The following AP3B1 variants were observed in gnomAD, a reference collection of about 807,000 sequenced individuals.
AP3B1 encodes the protein adaptor related protein complex 3 subunit beta 1.
A neutral mutation model predicts 132.5 loss-of-function variants in AP3B1; 61 were observed. That is an observed-to-expected ratio of 0.46 (90% CI 0.37 to 0.57). AP3B1 has a LOEUF of 0.57. AP3B1 is among the 20% of genes least tolerant of loss of function. The probability of loss-of-function intolerance (pLI) is 0.00; values close to 1 mark genes in which losing one functional copy is unlikely to be tolerated. For synonymous variants in AP3B1, 388 were observed against 438.3 expected, an observed-to-expected ratio of 0.89 and a Z score of 1.43; for missense variants, 1,120 against 1,289.4, an observed-to-expected ratio of 0.87 and a Z score of 2.01.
chr5:78,261,442 C>A (rs1193285363), intron 2 of AP3B1, among the ~76,000 whole-genome samples: 1 of 151,796 alleles, frequency 6.6e-6, no homozygotes, highest in Non-Finnish European at 1.5e-5. Flanking sequence ...CCCATTTTTT[C>A]ATTTGGTCGG....
chr5:78,128,261 T>A, intron 16 of AP3B1, 101 bp from the exon 17 acceptor site: 3 of 1,075,046 alleles, frequency 2.8e-6, no homozygotes, highest in Middle Eastern at 3.0e-4. Context: ...TTACCTCAAA[T>A]GTCAAGGAAT....
In AP3B1 at chr5:78,165,630, T is replaced by C. The variant is rs761026638; in HGVS notation, c.1210A>G (p.Thr404Ala). ...TNLANEANIS[T>A]LLREFQTYVK... The stretch of plus-strand genomic sequence containing the variant: ...CAAACCTGAAATTCTCGAAGAAGAG[T>C]TGATATGTTGGCTTCATTTGCCAAG... Residue 404 changes from threonine to alanine, a missense_variant, in exon 12 of 27, where the codon ACT (threonine) becomes GCT (alanine). Physicochemically the swap from Thr to Ala is moderately conservative, Grantham distance 58. Coordinates refer to ENST00000255194, the MANE Select transcript of AP3B1 (RefSeq NM_003664.5). 1.7e-5 allele frequency: 28 copies of C among 1,609,340 alleles called. No homozygotes were observed. In the South Asian group the frequency reaches 3.0e-4, roughly 17 times the overall value.
intron 22 of AP3B1, among the ~76,000 whole-genome samples, chr5:78,057,164 T>G (rs1748850156): frequency 6.6e-6 from 1 of 152,232 alleles, no homozygotes; most frequent in Non-Finnish European, 1.5e-5. Flanking sequence ...TCCCACGGCA[T>G]GAATCTAGTT....
intron 14 of AP3B1, among the ~76,000 whole-genome samples, chr5:78,146,117 T>C (rs530254814): frequency 6.6e-6 from 1 of 152,162 alleles, no homozygotes; most frequent in Non-Finnish European, 1.5e-5. Flanking sequence ...CTTGCCTACG[T>C]TTAGGAGTTA....
chr5:78,185,655 T>A (rs184988801), intron 7 of AP3B1, among the ~76,000 whole-genome samples: 1 of 152,282 alleles, frequency 6.6e-6, no homozygotes, highest in Admixed American at 6.5e-5. Flanking sequence ...GGCCAGGAGT[T>A]CTAGACCAGC....
At chr5:78,184,125 C>T (rs1210896431) in intron 7 of AP3B1, among the ~76,000 whole-genome samples, 1 of 150,612 alleles carries the variant, frequency 6.6e-6, no homozygotes, top group Admixed American at 6.6e-5. Flanking sequence ...GTGGAGATTG[C>T]GCCACTGCAC....
At chr5:78,137,074 A>C (rs1463440726) in intron 15 of AP3B1, among the ~76,000 whole-genome samples, 1 of 152,186 alleles carries the variant, frequency 6.6e-6, no homozygotes, top group African/African-American at 2.4e-5. Flanking sequence ...GTACTCATTA[A>C]ACAATAACTC....
At chr5:78,226,978 A>T (rs888652700) in intron 5 of AP3B1, among the ~76,000 whole-genome samples, 7 of 152,122 alleles carry the variant, frequency 4.6e-5, no homozygotes, top group Non-Finnish European at 2.9e-5. Context: ...AGGAAAACAC[A>T]TATAAGTGAG....
At chr5:78,013,215 T>G (rs1399438499) in intron 26 of AP3B1, among the ~76,000 whole-genome samples, 2 of 152,066 alleles carry the variant, frequency 1.3e-5, no homozygotes. Context: ...GGATTTAATT[T>G]TATATTTTTT....
chr5:78,053,768 T>C (rs1277817173), intron 22 of AP3B1, among the ~76,000 whole-genome samples: 1 of 152,078 alleles, frequency 6.6e-6, no homozygotes, highest in Non-Finnish European at 1.5e-5. Context: ...TGCTCCCTTA[T>C]GACTTCTCTT....
At chr5:78,262,427 C>T (rs1748133014) in intron 2 of AP3B1, among the ~76,000 whole-genome samples, 1 of 152,110 alleles carries the variant, frequency 6.6e-6, no homozygotes, top group Admixed American at 6.5e-5. Context: ...AGAAATCCAA[C>T]ACCATTTTCT....
At chr5:78,272,626 C>T (rs971326600) in intron 1 of AP3B1, among the ~76,000 whole-genome samples, 5 of 151,700 alleles carry the variant, frequency 3.3e-5, no homozygotes, top group African/African-American at 4.9e-5. Flanking sequence ...ATTTTTAAGT[C>T]GTAAGGTGAT....
chr5:78,097,271 T>C (rs1347959579), intron 21 of AP3B1, among the ~76,000 whole-genome samples: 1 of 87,356 alleles, frequency 1.1e-5, no homozygotes, highest in Non-Finnish European at 2.4e-5. Context: ...AGCCACCCCG[T>C]CCGGGAGGGA....
intron 6 of AP3B1, among the ~76,000 whole-genome samples, chr5:78,219,138 T>C (rs1377772064): frequency 6.6e-6 from 1 of 152,070 alleles, no homozygotes; most frequent in African/African-American, 2.4e-5. Flanking sequence ...AAGAGGAAAT[T>C]TTATGTCATC....
intron 1 of AP3B1, among the ~76,000 whole-genome samples, chr5:78,274,933 G>T (rs915044987): frequency 6.6e-6 from 1 of 151,880 alleles, no homozygotes; most frequent in Admixed American, 6.6e-5. Flanking sequence ...AAAAAAAAAG[G>T]CATCCAGAAA....
intron 7 of AP3B1, among the ~76,000 whole-genome samples, chr5:78,190,726 AT>A (rs386689327): frequency 4.7e-4 from 72 of 152,356 alleles, no homozygotes; most frequent in African/African-American, 1.7e-3. Flanking sequence ...GAATCAGTTT[AT>A]TGAACATTAT....
chr5:78,023,212 A>G (rs562015610), intron 24 of AP3B1, among the ~76,000 whole-genome samples: 25 of 152,336 alleles, frequency 1.6e-4, no homozygotes, highest in African/African-American at 5.1e-4. Context: ...CTTTAGCCAC[A>G]TTATATTTTG....
At chr5:78,062,561 A>T (rs1316170724) in intron 22 of AP3B1, among the ~76,000 whole-genome samples, 1 of 152,188 alleles carries the variant, frequency 6.6e-6, no homozygotes, top group Non-Finnish European at 1.5e-5. Context: ...TTACTTAAAA[A>T]ACTCATGACA....
At chr5:78,224,057 A>G (rs1232002188) in intron 6 of AP3B1, among the ~76,000 whole-genome samples, 4 of 152,252 alleles carry the variant, frequency 2.6e-5, no homozygotes, top group African/African-American at 7.2e-5. Flanking sequence ...CTTATAATAG[A>G]AAAGCACTAA....
Sources: allele counts gnomAD v4.1 joint callset (sites outside exome capture counted in the v4.1 genomes callset), GRCh38; gene constraint gnomAD v4.1.1; transcripts MANE v1.5; gene names NCBI Gene and HGNC (gene_info 2026-07-23, HGNC 2026-07-21).